Variants in TMEM26 observed in about 807,000 individuals in gnomAD.
The protein encoded by TMEM26 is transmembrane protein 26.
TMEM26 carries 38 observed loss-of-function variants against 28.8 expected under a neutral mutation model. That is an observed-to-expected ratio of 1.32 (90% CI 1.02 to 1.73). The LOEUF is 1.73. TMEM26 is among the 40% of genes most tolerant of loss of function. TMEM26 has a pLI of 0.00. For synonymous variants in TMEM26, 227 were observed against 182.9 expected (o/e 1.24, Z -1.95); for missense variants, 518 against 447.1 (o/e 1.16, Z -1.43).
At chr10:61,415,161 A>G in intron 4 of TMEM26, 1 of 985,268 alleles carries the variant, frequency 1.0e-6, no homozygotes, top group Non-Finnish European at 1.2e-6. Flanking sequence ...GATGACCTAG[A>G]TTAGAATAGA....
At chr10:61,428,632 C>A (rs1292107801) in intron 4 of TMEM26, among the ~76,000 whole-genome samples, 1 of 151,950 alleles carries the variant, frequency 6.6e-6, no homozygotes, top group African/African-American at 2.4e-5. Flanking sequence ...TTCAGAGAAC[C>A]ATGACTCTAT....
At chr10:61,431,529 A>G (rs1400024743) in intron 2 of TMEM26, among the ~76,000 whole-genome samples, 197 bp from the exon 3 acceptor site, 2 of 152,136 alleles carry the variant, frequency 1.3e-5, no homozygotes, top group Non-Finnish European at 2.9e-5. Context: ...AAGAATGTCA[A>G]GTATACAAAT....
At position 61,407,709 on chromosome 10, in the gene TMEM26, T is replaced by C. The variant is rs1012894624; in HGVS notation, c.*2613A>G. The C allele has an allele frequency of 4.6e-5, 7 of 152,138 alleles. No homozygotes were observed. Among genetic ancestry groups the C allele is most frequent in the African/African-American group, 1.4e-4 (6 of 41,432 alleles). The allele number at this position is 152,138 out of a possible 1,614,324, so 9.4% of individuals were successfully genotyped here. ...AGCAATTAAATAACAACTATGGCAA[T>C]AATACCAACAGCACCAACAACCTCA... On this transcript the variant is annotated 3_prime_UTR_variant, in exon 6 of 6. Transcript: ENST00000399298.
chr10:61,436,707 G>T (rs760164231), intron 1 of TMEM26, among the ~76,000 whole-genome samples: 17 of 152,146 alleles, frequency 1.1e-4, no homozygotes, highest in Non-Finnish European at 2.2e-4. Flanking sequence ...ATAATATGAT[G>T]CTGGAACACA....
chr10:61,449,939 T>C (rs1273834226), intron 1 of TMEM26, among the ~76,000 whole-genome samples: 1 of 152,136 alleles, frequency 6.6e-6, no homozygotes, highest in African/African-American at 2.4e-5. Context: ...CCTGATAATA[T>C]ATCATGGACA....
chr10:61,410,674 G>A lies in TMEM26; in HGVS notation c.755C>T (p.Ala252Val), dbSNP rs1589022911. ...GCTGATTCCGATGTTCCACAGATCG[G>A]CACTGTACTGGCAAAAGAACAGGCT... The part of the protein sequence containing the change: ...FPSLFFCQYS[A>V]DLWNIGISVF... Residue 252 changes from alanine (A) to valine (V), a missense_variant, in exon 6 of 6, where the codon GCC (alanine) becomes GTC (valine). Transcript: ENST00000399298. 5.6e-6 allele frequency: 9 copies of A among 1,614,120 alleles called. No homozygotes were observed. The highest frequency in any genetic ancestry group is 6.8e-6 in the Non-Finnish European group (8 of 1,180,010).
At chr10:61,414,020 AG>A (rs2135287066) in intron 4 of TMEM26, 1 of 987,586 alleles carries the variant, frequency 1.0e-6, no homozygotes, top group East Asian at 1.1e-4. Flanking sequence ...GATAGGAAAA[AG>A]GTAAGGAGAT....
intron 4 of TMEM26, among the ~76,000 whole-genome samples, chr10:61,415,778 T>C (rs557222236): frequency 6.6e-6 from 1 of 152,150 alleles, no homozygotes; most frequent in East Asian, 1.9e-4. Flanking sequence ...GCTTCATATA[T>C]TAGGAGAAAC....
intron 1 of TMEM26, among the ~76,000 whole-genome samples, chr10:61,450,389 A>G (rs1326572447): frequency 6.6e-6 from 1 of 152,126 alleles, no homozygotes; most frequent in Non-Finnish European, 1.5e-5. Context: ...CCCCAAATTG[A>G]ACGTTTTTTC....
Position 61,431,218 on chromosome 10 carries a change from C to G in TMEM26, c.384+1G>C, listed in dbSNP as rs1010092668. 9 of 1,609,826 alleles carry G rather than the reference C, an allele frequency of 5.6e-6. No homozygotes were observed. The highest frequency in any genetic ancestry group is 7.6e-6 in the Non-Finnish European group (9 of 1,176,624). On this transcript the variant is annotated splice_donor_variant, in intron 3 of 5. Coordinates refer to ENST00000399298, the MANE Select transcript of TMEM26 (RefSeq NM_178505.8). LOFTEE classifies it high-confidence loss of function. Reference sequence around the variant, plus strand: ...TTAATAAACAGTGGAAAAGCTCTCACCGTCTCAATGAGATCATCAGCTCTA... The same window carrying G: ...TTAATAAACAGTGGAAAAGCTCTCAGCGTCTCAATGAGATCATCAGCTCTA...
intron 3 of TMEM26, among the ~76,000 whole-genome samples, chr10:61,429,602 T>C (rs1839889289): frequency 6.6e-6 from 1 of 152,078 alleles, no homozygotes; most frequent in African/African-American, 2.4e-5. Flanking sequence ...AATCTTCTCT[T>C]TGTTTTTTTG....
chr10:61,429,051 T>C lies in TMEM26; in HGVS notation c.480A>G (p.Arg160=), dbSNP rs1324181933. The change falls in exon 4 of 6, where the codon AGA becomes AGG. Residue 160 remains arginine (R), a synonymous_variant. Coordinates refer to ENST00000399298, the MANE Select transcript of TMEM26 (RefSeq NM_178505.8). Reference sequence around the variant, plus strand: ...TCCCGCCTCCAATGGGTAGAAGCCATCTTCCAATTATTAGCATTAACAGGA... The same window carrying C: ...TCCCGCCTCCAATGGGTAGAAGCCACCTTCCAATTATTAGCATTAACAGGA... ...QTFLLMLIIG[R]WLLPIGGGIT... 3 of 1,613,434 alleles carry C rather than the reference T, an allele frequency of 1.9e-6. No homozygotes were observed. The East Asian group carries it at 6.7e-5, about 36-fold the overall frequency.
At chr10:61,428,891 G>T in intron 4 of TMEM26, 35 bp downstream of exon 4, 1 of 1,589,920 alleles carries the variant, frequency 6.3e-7, no homozygotes, top group South Asian at 1.1e-5. Context: ...TCTTGACCCT[G>T]AAAACAAGGT....
At chr10:61,413,744 A>G (rs1249944532) in intron 4 of TMEM26, 6 of 1,250,878 alleles carry the variant, frequency 4.8e-6, no homozygotes, top group African/African-American at 3.1e-5. Context: ...CTTAAAGCCC[A>G]ACATATGCAT....
At chr10:61,428,751 A>G (rs1228970485) in intron 4 of TMEM26, among the ~76,000 whole-genome samples, 175 bp downstream of exon 4, 1 of 152,174 alleles carries the variant, frequency 6.6e-6, no homozygotes, top group Non-Finnish European at 1.5e-5. Context: ...CTTAAAAAAC[A>G]TAAAGACTGT....
chr10:61,432,808 A>G (rs1839944129), intron 2 of TMEM26, among the ~76,000 whole-genome samples: 3 of 152,176 alleles, frequency 2.0e-5, no homozygotes, highest in African/African-American at 7.2e-5. Context: ...TTATGGTTGA[A>G]ATGACAAGAA....
intron 4 of TMEM26, among the ~76,000 whole-genome samples, chr10:61,418,115 A>T (rs1839684245): frequency 6.6e-6 from 1 of 151,984 alleles, no homozygotes; most frequent in African/African-American, 2.4e-5. Context: ...AGATGAGGAA[A>T]AATTTATTCA....
chr10:61,445,699 G>T (rs1479692641), intron 1 of TMEM26, among the ~76,000 whole-genome samples: 1 of 151,808 alleles, frequency 6.6e-6, no homozygotes, highest in Admixed American at 6.6e-5. Flanking sequence ...AAAAAGGAAA[G>T]AAACTTATTT....
At chr10:61,413,368 T>C (rs1589024516) in intron 5 of TMEM26, 91 bp downstream of exon 5, 6 of 1,534,408 alleles carry the variant, frequency 3.9e-6, no homozygotes, top group East Asian at 2.3e-5. Flanking sequence ...ACAGACATGA[T>C]AATCCTTTCA....
Sources: gnomAD v4.1 joint callset for allele counts (sites outside exome capture counted in the v4.1 genomes callset) on GRCh38, gnomAD v4.1.1 for gene constraint, MANE v1.5 for transcripts, NCBI Gene and HGNC (gene_info 2026-07-23, HGNC 2026-07-21) for gene names.